Variants in ZNF525 observed in about 807,000 individuals in gnomAD.
ZNF525 encodes zinc finger protein 525.
ZNF525 carries 33 observed loss-of-function variants against 37.6 expected under a neutral mutation model. The ratio of observed to expected loss-of-function variants is 0.88; its 90% CI spans 0.67 to 1.17. The LOEUF is 1.17. Ranked by LOEUF, ZNF525 falls within the 50% of genes most tolerant of loss-of-function variation. The pLI is 0.00. For synonymous variants in ZNF525, 170 were observed against 182.3 expected, an observed-to-expected ratio of 0.93 and a Z score of 0.54; for missense variants, 449 against 543.1, an observed-to-expected ratio of 0.83 and a Z score of 1.72.
chr19:53,382,013 C>T lies in ZNF525; in HGVS notation c.1434C>T (p.Phe478=). The T allele has an allele frequency of 8.1e-7, 1 of 1,241,844 alleles. No homozygotes were observed. The highest frequency in any genetic ancestry group is 1.2e-6 in the Non-Finnish European group (1 of 854,646). 76.9% of individuals were successfully genotyped at this position (1,241,844 alleles called of 1,614,324 possible). A position where few individuals can be genotyped will look rare whatever the true frequency, so the allele number is the denominator to read the frequency against. The change falls in exon 4 of 4, where the codon TTC becomes TTT. Residue 478 remains phenylalanine (F), a synonymous_variant. Transcript: ENST00000474037. ...GAGAATGTGACAAGGCTTACAGTTT[C>T]AAATAAAATCTTGAAATACGTCAGA... ...KCGECDKAYS[F]K
chr19:53,369,254 T>A (rs1416157899), intron 1 of ZNF525, among the ~76,000 whole-genome samples: 2 of 152,276 alleles, frequency 1.3e-5, no homozygotes, highest in East Asian at 1.9e-4. Context: ...AGTTCTTTTT[T>A]TTTTTGAGCT....
rs111704496 is a variant in ZNF525, at chr19:53,370,216, C to T, written c.-67-1999C>T. 6.1e-3 allele frequency among the ~76,000 whole-genome samples: 915 copies of T among 149,600 alleles called. 8 individuals are homozygous for T. Among genetic ancestry groups the T allele is most frequent in the African/African-American group, 0.021 (867 of 40,870 alleles). On this transcript the variant is annotated intron_variant, in intron 1 of 3. Coordinates refer to ENST00000474037, the MANE Select transcript of ZNF525 (RefSeq NM_001348156.2). ...CGGGCAGATCAGGAGGTCAGGAGAT[C>T]GAGATTATCCTGGCTAACTTGGTGA...
At chr19:53,373,348 C>T (rs2085500896) in intron 2 of ZNF525, among the ~76,000 whole-genome samples, 1 of 152,124 alleles carries the variant, frequency 6.6e-6, no homozygotes, top group African/African-American at 2.4e-5. Context: ...CCTGCCTCAG[C>T]CTCCAGGAGT....
chr19:53,376,489 T>C, intron 3 of ZNF525: 1 of 589,720 alleles, frequency 1.7e-6, no homozygotes. Flanking sequence ...TTTTCAGGTT[T>C]GTTTTTTGTT....
intron 2 of ZNF525, 50 bp from the exon 3 acceptor site, chr19:53,375,720 G>A (rs767039090): frequency 1.9e-6 from 3 of 1,613,470 alleles, no homozygotes; most frequent in African/African-American, 2.7e-5. Flanking sequence ...TTTCTGTAAA[G>A]ATAAGAACTC....
Position 53,383,268 on chromosome 19 carries a change from A to G in ZNF525, c.*1249A>G. The G allele has an allele frequency of 1.4e-6, 2 of 1,423,184 alleles. No individual in the cohort carries two copies. The highest frequency in any genetic ancestry group is 1.1e-5 in the South Asian group (1 of 87,786). 88.2% of individuals were successfully genotyped at this position (1,423,184 alleles called of 1,614,324 possible). A position where few individuals can be genotyped will look rare whatever the true frequency, so the allele number is the denominator to read the frequency against. On this transcript the variant is annotated 3_prime_UTR_variant, in exon 4 of 4. Transcript: ENST00000474037. ...AATGAGTGTGGCAAAACCTTCCATC[A>G]CAATTCAGTCCTTGTAATTCATAAA...
At chr19:53,368,812 A>G (rs573696470) in intron 1 of ZNF525, among the ~76,000 whole-genome samples, 7 of 152,092 alleles carry the variant, frequency 4.6e-5, no homozygotes, top group African/African-American at 1.7e-4. Context: ...CACACGGGTA[A>G]GTCTGGCTTT....
chr19:53,374,238 C>T (rs1019884068), intron 2 of ZNF525, among the ~76,000 whole-genome samples: 1 of 152,182 alleles, frequency 6.6e-6, no homozygotes, highest in Non-Finnish European at 1.5e-5. Context: ...CACTCTCAAG[C>T]AGACCTCAGT....
chr19:53,376,245 T>C (rs1452190485), intron 3 of ZNF525: 4 of 705,480 alleles, frequency 5.7e-6, no homozygotes, highest in South Asian at 4.4e-5. Context: ...TACCTAACTA[T>C]TGGCTTTTGT....
intron 2 of ZNF525, among the ~76,000 whole-genome samples, chr19:53,374,110 T>A (rs902770233): frequency 6.6e-6 from 1 of 152,122 alleles, no homozygotes; most frequent in African/African-American, 2.4e-5. Flanking sequence ...CTTGAACTTC[T>A]GACCTAAGAT....
At chr19:53,378,410 A>C (rs917824938) in intron 3 of ZNF525, among the ~76,000 whole-genome samples, 1 of 152,154 alleles carries the variant, frequency 6.6e-6, no homozygotes, top group Non-Finnish European at 1.5e-5. Flanking sequence ...AGCCAAGGTT[A>C]CACCACTGCA....
Position 53,386,412 on chromosome 19 carries a change from C to A in ZNF525, c.*4393C>A. On this transcript the variant is annotated 3_prime_UTR_variant, in exon 4 of 4. Transcript: ENST00000474037. ...AAGGAATTGCATGTGAGATGGCACA[C>A]ATATTTATGCTGTCTGAGCATCACA... 1 of 826,818 alleles carries A rather than the reference C, an allele frequency of 1.2e-6. No individual in the cohort carries two copies. The allele number at this position is 826,818 out of a possible 1,614,324, so 51.2% of individuals were successfully genotyped here.
chr19:53,367,084 T>C (rs760917964), intron 1 of ZNF525, among the ~76,000 whole-genome samples: 50 of 152,140 alleles, frequency 3.3e-4, no homozygotes, highest in African/African-American at 7.7e-4. Flanking sequence ...CTGGTGGCCT[T>C]GTAGCTGCAT....
At chr19:53,377,332 C>G (rs1351798198) in intron 3 of ZNF525, among the ~76,000 whole-genome samples, 1 of 152,018 alleles carries the variant, frequency 6.6e-6, no homozygotes, top group Non-Finnish European at 1.5e-5. Context: ...CATATGCCAC[C>G]ATGCCTGGCT....
intron 1 of ZNF525, among the ~76,000 whole-genome samples, chr19:53,367,035 C>T (rs939728992): frequency 1.8e-4 from 27 of 152,168 alleles, no homozygotes; most frequent in East Asian, 7.7e-4. Context: ...TAATAGGTCA[C>T]GTAATCTATA....
chr19:53,372,235 T>C lies in ZNF525; in HGVS notation c.-47T>C. On this transcript the variant is annotated 5_prime_UTR_variant, in exon 2 of 4. Transcript: ENST00000474037. ...CTCAGGATTGACATCTAAAGACTCT[T>C]GGTACATGAGGAAGAAACCCGGAAA... 2 of 731,192 alleles carry C rather than the reference T, an allele frequency of 2.7e-6. No individual in the cohort carries two copies. The highest frequency in any genetic ancestry group is 4.9e-6 in the Non-Finnish European group (2 of 405,026). The allele number at this position is 731,192 out of a possible 1,614,324, so 45.3% of individuals were successfully genotyped here.
In ZNF525 at chr19:53,380,721, G is replaced by A; in HGVS notation, c.143-1G>A. ...TACCTATTAGTGTTTATATTTTGTA[G>A]GTATCTCTTCCAAATGCACAATGAA... On this transcript the variant is annotated splice_acceptor_variant, in intron 3 of 3. Transcript: ENST00000474037. LOFTEE classifies it high-confidence loss of function. 8.7e-7 allele frequency: 1 copy of A among 1,146,070 alleles called. No homozygotes were observed. The highest frequency in any genetic ancestry group is 1.3e-5 in the South Asian group (1 of 75,380). 71.0% of individuals were successfully genotyped at this position (1,146,070 alleles called of 1,614,324 possible).
In ZNF525 at chr19:53,384,835, G is replaced by A; in HGVS notation, c.*2816G>A. On this transcript the variant is annotated 3_prime_UTR_variant, in exon 4 of 4. Coordinates refer to ENST00000474037, the MANE Select transcript of ZNF525 (RefSeq NM_001348156.2). ...CAGGCAGTATTGATTGAATAGAAGG[G>A]GTGAGAGCATTCTTGCATCATGTGA... The A allele has an allele frequency of 1.6e-6, 1 of 632,708 alleles. No individual in the cohort carries two copies. The highest frequency in any genetic ancestry group is 2.8e-6 in the Non-Finnish European group (1 of 353,430). 39.2% of individuals were successfully genotyped at this position (632,708 alleles called of 1,614,324 possible).
chr19:53,372,138 C>A, intron 1 of ZNF525, 77 bp from the exon 2 acceptor site: 1 of 548,738 alleles, frequency 1.8e-6, no homozygotes. Context: ...GGTGAGGTCT[C>A]CTTTGTATGT....
Sources: gnomAD v4.1 joint callset for allele counts (sites outside exome capture counted in the v4.1 genomes callset) on GRCh38, gnomAD v4.1.1 for gene constraint, MANE v1.5 for transcripts, NCBI Gene and HGNC (gene_info 2026-07-23, HGNC 2026-07-21) for gene names.